Variants in DNAH7 observed in about 807,000 individuals in gnomAD.
The protein encoded by DNAH7 is axonemal beta dynein heavy chain 7.
DNAH7 carries 397 observed loss-of-function variants against 444.6 expected under a neutral mutation model. The ratio of observed to expected loss-of-function variants is 0.89; its 90% CI spans 0.82 to 0.97. The LOEUF is 0.97. Ranked by LOEUF, DNAH7 falls within the 50% of genes least tolerant of loss-of-function variation. The pLI, the probability that DNAH7 is intolerant of heterozygous loss-of-function variation, is 0.00. For missense variants in DNAH7, 4,902 were observed against 4,800.8 expected (o/e 1.02, Z -0.62); for synonymous variants, 1,636 against 1,624.4 (o/e 1.01, Z -0.17).
intron 17 of DNAH7, among the ~76,000 whole-genome samples, chr2:195,963,373 AC>A (rs1691244090): frequency 6.6e-6 from 1 of 152,150 alleles, no homozygotes; most frequent in South Asian, 2.1e-4. Context: ...GATGTTGAAC[AC>A]CTTTCCAAAT....
At chr2:195,766,314 C>T (rs1036842591) in intron 61 of DNAH7, among the ~76,000 whole-genome samples, 1 of 151,480 alleles carries the variant, frequency 6.6e-6, no homozygotes, top group African/African-American at 2.4e-5. Context: ...GCTGGGATTA[C>T]AGGCATCTCC....
intron 47 of DNAH7, 51 bp from the exon 48 acceptor site, chr2:195,834,411 A>C: frequency 6.5e-7 from 1 of 1,547,092 alleles, no homozygotes. Context: ...TTGTTTCTAC[A>C]CTACTTAATC....
intron 9 of DNAH7, among the ~76,000 whole-genome samples, chr2:196,014,937 C>G (rs1418034637): frequency 6.6e-6 from 1 of 152,076 alleles, no homozygotes; most frequent in Non-Finnish European, 1.5e-5. Flanking sequence ...ACATAATATT[C>G]CATTGTGCAT....
At chr2:195,891,504 A>G (rs1217280071) in intron 31 of DNAH7, 151 bp downstream of exon 31, 2 of 700,536 alleles carry the variant, frequency 2.9e-6, no homozygotes, top group East Asian at 6.9e-5. Context: ...ATTTTTCTTC[A>G]CAGAAATACT....
At chr2:195,771,991 C>T in intron 60 of DNAH7, 101 bp from the exon 61 acceptor site, 1 of 971,324 alleles carries the variant, frequency 1.0e-6, no homozygotes, top group South Asian at 1.4e-5. Flanking sequence ...AAGAACATTG[C>T]TCTCTATTTT....
Position 195,895,006 on chromosome 2 carries a change from T to G in DNAH7, c.4866A>C (p.Leu1622Phe), listed in dbSNP as rs1175403054. ...FGGKTSAYRV[L>F]AGALNDICEK... ...CACATATATCATTTAGTGCTCCAGC[T>G]AAGACACGATATGCACTAGTTTTTC... Residue 1622 changes from leucine (L) to phenylalanine (F), a missense_variant, in exon 30 of 65, where the codon TTA becomes TTC. Physicochemically the swap from Leu to Phe is conservative, Grantham distance 22 (BLOSUM62 0). Coordinates refer to ENST00000312428, the MANE Select transcript of DNAH7 (RefSeq NM_018897.3). The G allele has an allele frequency of 1.9e-6, 3 of 1,611,606 alleles. No individual in the cohort carries two copies. Among genetic ancestry groups the G allele is most frequent in the Non-Finnish European group, 2.5e-6 (3 of 1,178,492 alleles).
chr2:195,943,089 C>A (rs1215741419), intron 19 of DNAH7, among the ~76,000 whole-genome samples: 6 of 152,232 alleles, frequency 3.9e-5, no homozygotes, highest in Non-Finnish European at 7.4e-5. Context: ...CTCTTGCTTG[C>A]CACCATGTAA....
At chr2:195,957,728 AG>A (rs1194545609) in intron 18 of DNAH7, among the ~76,000 whole-genome samples, 3 of 152,220 alleles carry the variant, frequency 2.0e-5, no homozygotes, top group African/African-American at 7.2e-5. Context: ...ATAAATCACT[AG>A]ATTTGTTCTA....
At chr2:196,035,065 C>T (rs1696298649) in intron 5 of DNAH7, among the ~76,000 whole-genome samples, 1 of 151,946 alleles carries the variant, frequency 6.6e-6, no homozygotes, top group Admixed American at 6.6e-5. Flanking sequence ...ACCTGTAATC[C>T]CAGGTACTTG....
chr2:196,046,931 AG>A (rs1411527365), intron 5 of DNAH7, among the ~76,000 whole-genome samples: 1 of 152,230 alleles, frequency 6.6e-6, no homozygotes, highest in Non-Finnish European at 1.5e-5. Flanking sequence ...GTCCTGAAAC[AG>A]TGAGACCCAG....
At chr2:195,951,124 A>G (rs187452020) in intron 19 of DNAH7, among the ~76,000 whole-genome samples, 98 of 152,158 alleles carry the variant, frequency 6.4e-4, no homozygotes, top group Non-Finnish European at 1.3e-3. Context: ...TATCCCAGAG[A>G]TTCTGGTATG....
intron 42 of DNAH7, among the ~76,000 whole-genome samples, chr2:195,860,914 T>C (rs1188763356): frequency 6.6e-6 from 1 of 152,088 alleles, no homozygotes; most frequent in Non-Finnish European, 1.5e-5. Context: ...TTATAGATAA[T>C]ATTCAAACAT....
At chr2:195,868,447 G>T (rs1023660351) in intron 40 of DNAH7, among the ~76,000 whole-genome samples, 3 of 151,466 alleles carry the variant, frequency 2.0e-5, no homozygotes, top group Non-Finnish European at 4.4e-5. Flanking sequence ...TGGCAGTTTT[G>T]ATTTGTATTT....
At chr2:196,053,019 G>A (rs1181508400) in intron 2 of DNAH7, among the ~76,000 whole-genome samples, 1 of 132,416 alleles carries the variant, frequency 7.6e-6, no homozygotes, top group East Asian at 2.4e-4. Flanking sequence ...TCTGCTTATG[G>A]AGTACACATT....
chr2:195,748,527 A>T (rs1230788631), intron 63 of DNAH7, among the ~76,000 whole-genome samples: 2 of 152,224 alleles, frequency 1.3e-5, no homozygotes, highest in East Asian at 1.9e-4. Flanking sequence ...CACATCGCGA[A>T]GTCAATCCTA....
At chr2:195,883,351 G>A (rs1219518765) in intron 35 of DNAH7, among the ~76,000 whole-genome samples, 6 of 152,088 alleles carry the variant, frequency 3.9e-5, no homozygotes, top group African/African-American at 1.5e-4. Flanking sequence ...GAGAGGCTGA[G>A]GCAGGAGAAT....
At chr2:195,970,208 A>T (rs1691752650) in intron 16 of DNAH7, 114 bp from the exon 17 acceptor site, 3 of 951,446 alleles carry the variant, frequency 3.2e-6, no homozygotes, top group Non-Finnish European at 4.5e-6. Context: ...CACTGGTAAA[A>T]CATAAAAGGA....
At chr2:196,050,135 C>G (rs986312965) in intron 3 of DNAH7, among the ~76,000 whole-genome samples, 1 of 152,190 alleles carries the variant, frequency 6.6e-6, no homozygotes, top group South Asian at 2.1e-4. Context: ...CAAAGCAACA[C>G]AAATTCAATT....
chr2:195,997,858 T>C (rs1267581667), intron 12 of DNAH7, among the ~76,000 whole-genome samples: 3 of 152,150 alleles, frequency 2.0e-5, no homozygotes, highest in Non-Finnish European at 4.4e-5. Flanking sequence ...TTACCAGTAC[T>C]GATTTCTGAG....
Sources: allele counts gnomAD v4.1 joint callset (sites outside exome capture counted in the v4.1 genomes callset), GRCh38; gene constraint gnomAD v4.1.1; transcripts MANE v1.5; gene names NCBI Gene and HGNC (gene_info 2026-07-23, HGNC 2026-07-21).